SPEN: variants seen among roughly 807,000 people sequenced by gnomAD.
SPEN encodes msx2-interacting protein.
A neutral mutation model predicts 269.9 loss-of-function variants in SPEN; 18 were observed. The ratio of observed to expected loss-of-function variants is 0.07; its 90% CI spans 0.05 to 0.10. The LOEUF (loss-of-function observed/expected upper bound fraction) is 0.10, where lower values mean the gene tolerates loss of function less well. Ranked by LOEUF, SPEN falls within the 10% of genes least tolerant of loss-of-function variation. The pLI is 1.00. For synonymous variants in SPEN, 1,726 were observed against 1,765.7 expected (o/e 0.98, Z 0.56); for missense variants, 3,822 against 4,631.2 (o/e 0.83, Z 5.07).
In SPEN at chr1:15,938,872, A is replaced by C; in HGVS notation, c.10859A>C (p.Asn3620Thr). ...GIINVPNPGS[N>T]QPAYVLQIFP... ...ATCAACGTTCCCAACCCTGGCTCCA[A>C]TCAGGTCGGTTGTCCTGTGTCCTTC... is the stretch of plus-strand genomic sequence containing the variant. The change falls in exon 14 of 15, where the codon AAT (asparagine) becomes ACT (threonine). Residue 3620 changes from asparagine (N) to threonine (T), a missense_variant. By Grantham distance (65) the Asn-to-Thr change is moderately conservative (BLOSUM62 0). This residue lies in a region of SPEN where 103 missense variants were observed against 215.8 expected (regional missense o/e 0.48). Transcript: ENST00000375759. 6.2e-7 allele frequency: 1 copy of C among 1,613,530 alleles called. No individual in the cohort carries two copies. Among genetic ancestry groups the C allele is most frequent in the Non-Finnish European group, 8.5e-7 (1 of 1,179,792 alleles).
Position 15,934,365 on chromosome 1 carries a change from A to C in SPEN, c.8125A>C (p.Thr2709Pro), listed in dbSNP as rs1225042495. ...VLTGPVNVLT[T>P]PVNATVGTVN... ...TACGGGGCCAGTGAATGTTCTCACC[A>C]CTCCAGTGAACGCCACGGTGGGCAC... is the stretch of plus-strand genomic sequence containing the variant. The change falls in exon 11 of 15, where the codon ACT (threonine) becomes CCT (proline). Residue 2709 changes from threonine (T) to proline (P), a missense_variant. Around this residue, in one of 16 missense-constraint regions of SPEN, gnomAD observed 329 missense variants for 431.2 expected, o/e 0.76. Coordinates refer to ENST00000375759, the MANE Select transcript of SPEN (RefSeq NM_015001.3). The surrounding 1 kb of genome is among the most constrained non-coding windows in gnomAD (Gnocchi z 9.2). 1.9e-6 allele frequency: 3 copies of C among 1,613,382 alleles called. No individual in the cohort carries two copies. Among genetic ancestry groups the C allele is most frequent in the Non-Finnish European group, 2.5e-6 (3 of 1,180,008 alleles).
At chr1:15,920,320 C>T (rs538389454) in intron 8 of SPEN, among the ~76,000 whole-genome samples, 6 of 152,242 alleles carry the variant, frequency 3.9e-5, no homozygotes, top group East Asian at 1.9e-4. Context: ...CCACCTGCCT[C>T]GGCCTCCTAA....
intron 3 of SPEN, among the ~76,000 whole-genome samples, chr1:15,903,908 A>G (rs2070926779): frequency 6.6e-6 from 1 of 152,224 alleles, no homozygotes; most frequent in Non-Finnish European, 1.5e-5. Context: ...CTTCTTTAAG[A>G]CAACTTAGAT....
In SPEN at chr1:15,928,837, G is replaced by T. The variant is rs1234686133; in HGVS notation, c.2597G>T (p.Gly866Val). The T allele has an allele frequency of 9.9e-6, 16 of 1,613,972 alleles. No homozygotes were observed. The highest frequency in any genetic ancestry group is 1.4e-5 in the Non-Finnish European group (16 of 1,179,974). ...KLSREKADKE[G>V]IAKNRLELMP... ...AGCAGAGAGAAAGCTGACAAAGAGG[G>T]AATAGCGAAAAACCGCCTGGAACTC... Residue 866 changes from glycine (G) to valine (V), a missense_variant, in exon 11 of 15, where the codon GGA (glycine) becomes GTA (valine). Around this residue, in one of 16 missense-constraint regions of SPEN, gnomAD observed 572 missense variants for 582.6 expected, o/e 0.98. Coordinates refer to ENST00000375759, the MANE Select transcript of SPEN (RefSeq NM_015001.3). This position sits in a 1 kb window ranked among gnomAD's most constrained non-coding sequence, Gnocchi z 5.7.
In SPEN at chr1:15,928,856, G is replaced by A. The variant is rs2071194097; in HGVS notation, c.2616G>A (p.Leu872=). The A allele has an allele frequency of 1.9e-6, 3 of 1,613,988 alleles. No individual in the cohort carries two copies. Among genetic ancestry groups the A allele is most frequent in the Non-Finnish European group, 1.7e-6 (2 of 1,180,008 alleles). The change falls in exon 11 of 15, where the codon CTG becomes CTA. Residue 872 remains leucine (L), a synonymous_variant. Coordinates refer to ENST00000375759, the MANE Select transcript of SPEN (RefSeq NM_015001.3). This position sits in a 1 kb window ranked among gnomAD's most constrained non-coding sequence, Gnocchi z 5.7. ...ADKEGIAKNR[L]ELMPCVVLTR... ...AAGAGGGAATAGCGAAAAACCGCCT[G>A]GAACTCATGCCTTGCGTGGTTTTGA...
intron 1 of SPEN, among the ~76,000 whole-genome samples, chr1:15,852,318 C>T (rs904449737): frequency 2.0e-5 from 3 of 152,120 alleles, no homozygotes; most frequent in Non-Finnish European, 4.4e-5. Flanking sequence ...GAAACCACCT[C>T]TGGTTTTGAA....
chr1:15,922,167 G>T, intron 9 of SPEN, 82 bp from the exon 10 acceptor site: 1 of 1,059,470 alleles, frequency 9.4e-7, no homozygotes, highest in Non-Finnish European at 1.4e-6. Flanking sequence ...GGGCTATGTT[G>T]TGAAGAATTT....
intron 10 of SPEN, among the ~76,000 whole-genome samples, chr1:15,923,983 A>G (rs1177896516): frequency 6.6e-6 from 1 of 152,046 alleles, no homozygotes; most frequent in African/African-American, 2.4e-5. Flanking sequence ...GGTGTTTTTA[A>G]ATGAAAAATG....
rs888820927 is a variant in SPEN, at chr1:15,937,469, G to C, written c.10333G>C (p.Val3445Leu). 2 of 1,613,862 alleles carry C rather than the reference G, an allele frequency of 1.2e-6. No individual in the cohort carries two copies. The highest frequency in any genetic ancestry group is 1.7e-6 in the Non-Finnish European group (2 of 1,180,020). The change falls in exon 12 of 15, where the codon GTC (valine) becomes CTC (leucine). Residue 3445 changes from valine to leucine, a missense_variant. Transcript: ENST00000375759. The surrounding 1 kb of genome is among the most constrained non-coding windows in gnomAD (Gnocchi z 5.7). ...TGTCTCCATGAAGCCTGACCTTCCA[G>C]TCTCTCTTCCCACTCAGACTGCCCC... The part of the protein sequence containing the change: ...VSVSMKPDLP[V>L]SLPTQTAPKQ...
chr1:15,899,413 C>T (rs550162832), intron 3 of SPEN, among the ~76,000 whole-genome samples: 17 of 152,216 alleles, frequency 1.1e-4, no homozygotes, highest in Non-Finnish European at 1.5e-5. Flanking sequence ...CTCCTGAGCT[C>T]AAGTGATCTG....
chr1:15,881,695 C>T (rs2070688836), intron 3 of SPEN, among the ~76,000 whole-genome samples: 1 of 152,240 alleles, frequency 6.6e-6, no homozygotes, highest in African/African-American at 2.4e-5. Context: ...AAATAATCCT[C>T]TGGTGTTCAG....
Position 15,920,959 on chromosome 1 carries a change from G to A in SPEN, c.1725G>A (p.Arg575=). 1 of 1,609,688 alleles carries A rather than the reference G, an allele frequency of 6.2e-7. No individual in the cohort carries two copies. The highest frequency in any genetic ancestry group is 8.5e-7 in the Non-Finnish European group (1 of 1,176,926). Residue 575 remains arginine, a synonymous_variant, in exon 9 of 15, where the codon AGG becomes AGA. Coordinates refer to ENST00000375759, the MANE Select transcript of SPEN (RefSeq NM_015001.3). ...CAGCTGTAAAAGAGACCAAAGGGAG[G>A]AAAATCGGTGGGAATAAAATTAAGG... is the stretch of plus-strand genomic sequence containing the variant. The part of the protein sequence containing the change: ...AQAAVKETKG[R]KIGGNKIKVD...
At chr1:15,894,581 G>T (rs471952) in intron 3 of SPEN, among the ~76,000 whole-genome samples, 1 of 122,562 alleles carries the variant, frequency 8.2e-6, no homozygotes, top group African/African-American at 3.3e-5. Flanking sequence ...TCGCTCTTTC[G>T]CCAGGCTGGA....
intron 1 of SPEN, among the ~76,000 whole-genome samples, chr1:15,866,166 C>T (rs1019404235): frequency 6.6e-6 from 1 of 152,044 alleles, no homozygotes; most frequent in Non-Finnish European, 1.5e-5. Context: ...TCCTCCCATC[C>T]CTCCTAGTAG....
intron 2 of SPEN, 38 bp downstream of exon 2, chr1:15,873,174 T>G (rs2070599230): frequency 6.4e-7 from 1 of 1,555,984 alleles, no homozygotes; most frequent in South Asian, 1.2e-5. Context: ...TATTTTGTAT[T>G]TGATATGGTG....
At chr1:15,868,314 A>C (rs1394024547) in intron 1 of SPEN, among the ~76,000 whole-genome samples, 1 of 151,900 alleles carries the variant, frequency 6.6e-6, no homozygotes, top group African/African-American at 2.4e-5. Flanking sequence ...GTCTCATTTT[A>C]GAAAATTGGA....
chr1:15,940,317 T>A lies in SPEN; in HGVS notation c.*890T>A. 2 of 233,324 alleles carry A rather than the reference T, an allele frequency of 8.6e-6. No individual in the cohort carries two copies. The highest frequency in any genetic ancestry group is 1.3e-3 in the Middle Eastern group (1 of 782). The allele number at this position is 233,324 out of a possible 1,614,324, so 14.5% of individuals were successfully genotyped here. ...TCACACGGCACCTGTACAAAAAGAC[T>A]GGCTAACCCCTCTTCCTATTACCTT... On this transcript the variant is annotated 3_prime_UTR_variant, in exon 15 of 15. Transcript: ENST00000375759.
At chr1:15,899,802 G>A (rs1354948300) in intron 3 of SPEN, among the ~76,000 whole-genome samples, 1 of 151,578 alleles carries the variant, frequency 6.6e-6, no homozygotes, top group African/African-American at 2.4e-5. Flanking sequence ...TTTTGTTGTT[G>A]AGTTGTAGTG....
In SPEN at chr1:15,937,881, G is replaced by A. The variant is rs141170345; in HGVS notation, c.10579G>A (p.Val3527Ile). ...CACAGCTGCTGTGCAGCTCCACTTC[G>A]TCTCTGGCAACAACGTCCTGGCCCA... ...NDTAAVQLHF[V>I]SGNNVLAHRS... The change falls in exon 13 of 15, where the codon GTC becomes ATC. Residue 3527 changes from valine (V) to isoleucine (I), a missense_variant. Transcript: ENST00000375759. The surrounding 1 kb of genome is among the most constrained non-coding windows in gnomAD (Gnocchi z 5.7). 2.0e-5 allele frequency: 32 copies of A among 1,614,164 alleles called. No individual in the cohort carries two copies. The highest frequency in any genetic ancestry group is 1.2e-4 in the Admixed American group (7 of 60,028).
Sources: allele counts gnomAD v4.1 joint callset (sites outside exome capture counted in the v4.1 genomes callset), GRCh38; gene constraint gnomAD v4.1.1; regional missense constraint gnomAD v4.1.1; non-coding constraint Gnocchi (gnomAD v3.1); transcripts MANE v1.5; gene names NCBI Gene and HGNC (gene_info 2026-07-23, HGNC 2026-07-21).